Variants in RAVER2 observed in about 807,000 individuals in gnomAD.
RAVER2 encodes ribonucleoprotein PTB-binding 2.
RAVER2 carries 46 observed loss-of-function variants against 78.1 expected under a neutral mutation model. That is an observed-to-expected ratio of 0.59 (90% CI 0.46 to 0.75). The LOEUF is 0.75. RAVER2 is among the 30% of genes least tolerant of loss of function. The pLI is 0.00. For synonymous variants in RAVER2, 311 were observed against 313.3 expected (o/e 0.99, Z 0.08); for missense variants, 793 against 837.5 (o/e 0.95, Z 0.66).
rs61411897 is a variant in RAVER2, at chr1:64,812,362, CAAAAAAAAAA to C, written c.1681-364_1681-355del. 1.7e-4 allele frequency among the ~76,000 whole-genome samples: 12 copies of C among 70,054 alleles called. No individual in the cohort carries two copies. The South Asian group carries it at 3.3e-3, about 19-fold the overall frequency. The allele number at this position is 70,054 out of a possible 152,430, so 46.0% of individuals were successfully genotyped here. Reference sequence around the variant, plus strand: ...GGGCAATAGAGTGAGATTCCATCTCCAAAAAAAAAAAAAAAAAAAAATAGGTAGATAGATA... The same window carrying C: ...GGGCAATAGAGTGAGATTCCATCTCCAAAAAAAAAAATAGGTAGATAGATA... On this transcript the variant is annotated intron_variant, in intron 9 of 11. Coordinates refer to ENST00000294428, the Ensembl canonical transcript of RAVER2.
At chr1:64,808,100 G>A (rs916612343) in intron 9 of RAVER2, among the ~76,000 whole-genome samples, 5 of 152,060 alleles carry the variant, frequency 3.3e-5, no homozygotes, top group Admixed American at 3.3e-4. Context: ...ATCAAAACCA[G>A]CTATTAAACT....
chr1:64,807,803 T>C (rs1653486838), intron 9 of RAVER2, among the ~76,000 whole-genome samples: 1 of 152,164 alleles, frequency 6.6e-6, no homozygotes, highest in Admixed American at 6.5e-5. Flanking sequence ...TTATTCCTTA[T>C]AAGAGAATAA....
chr1:64,822,307 G>A (rs569811269), intron 11 of RAVER2, among the ~76,000 whole-genome samples: 2 of 152,112 alleles, frequency 1.3e-5, no homozygotes, highest in South Asian at 2.1e-4. Context: ...CAAAGTACGA[G>A]AACAACATCT....
intron 4 of RAVER2, among the ~76,000 whole-genome samples, chr1:64,783,437 A>G (rs1014013081): frequency 6.6e-6 from 1 of 152,160 alleles, no homozygotes; most frequent in African/African-American, 2.4e-5. Flanking sequence ...ACTGGTGTGA[A>G]ATGATATCTC....
At chr1:64,765,147 C>G (rs1039756559) in intron 1 of RAVER2, among the ~76,000 whole-genome samples, 1 of 152,144 alleles carries the variant, frequency 6.6e-6, no homozygotes, top group African/African-American at 2.4e-5. Context: ...GGACTTTTAT[C>G]TACTGTTGAT....
chr1:64,818,838 T>G (rs1341231350), intron 11 of RAVER2, among the ~76,000 whole-genome samples: 2 of 152,116 alleles, frequency 1.3e-5, no homozygotes, highest in Non-Finnish European at 2.9e-5. Flanking sequence ...AGTCTCAAAA[T>G]CTATGTGTAA....
At chr1:64,826,041 C>T (rs1052188643) in intron 11 of RAVER2, among the ~76,000 whole-genome samples, 1 of 152,192 alleles carries the variant, frequency 6.6e-6, no homozygotes, top group Non-Finnish European at 1.5e-5. Context: ...TTCAGTTTTT[C>T]CATGTCAGAG....
rs906837967 is a variant in RAVER2 at position 64,806,815 on chromosome 1, C to T, written c.1412-391C>T. ...TTTTAAACTTAAAACTTAATTATTT[C>T]CTTCAGTTATGGAAACAGTCAAGTT... is the stretch of plus-strand genomic sequence containing the variant. On this transcript the variant is annotated intron_variant, in intron 8 of 11. Transcript: ENST00000294428. Among the ~76,000 whole-genome samples the T allele has an allele frequency of 1.1e-4, 17 of 152,072 alleles. No individual in the cohort carries two copies. In the East Asian group the frequency reaches 2.7e-3, roughly 24 times the overall value.
chr1:64,777,886 G>A, exon 3 of RAVER2: 2 of 1,614,070 alleles, frequency 1.2e-6, no homozygotes, highest in Non-Finnish European at 8.5e-7. Flanking sequence ...CATGAAAAAG[G>A]ACTTTGCTGC....
At chr1:64,750,283 CTCTT>C (rs1451664240) in intron 1 of RAVER2, among the ~76,000 whole-genome samples, 4 of 151,052 alleles carry the variant, frequency 2.6e-5, no homozygotes, top group Admixed American at 1.3e-4. Context: ...TTTTTTTCTG[CTCTT>C]TCTCTTTTCT....
In RAVER2 at chr1:64,824,932, C is replaced by CAAAAAAAAAA. The variant is rs56179197; in HGVS notation, c.1930-5889_1930-5880dup. Among the ~76,000 whole-genome samples the CAAAAAAAAAA allele has an allele frequency of 2.6e-3, 203 of 79,388 alleles. 14 individuals are homozygous for CAAAAAAAAAA. Among genetic ancestry groups the CAAAAAAAAAA allele is most frequent in the African/African-American group, 0.015 (194 of 12,876 alleles). 52.1% of individuals were successfully genotyped at this position (79,388 alleles called of 152,430 possible). ...GGCAACAGAGCGAGACCCTGTCTCCCAAAAAAAAAAAAAAAAAAAAAAAAA... is the reference window on the plus strand; with the variant it reads ...GGCAACAGAGCGAGACCCTGTCTCCCAAAAAAAAAAAAAAAAAAAAAAAAAAAAAAAAAAA... On this transcript the variant is annotated intron_variant, in intron 11 of 11. Transcript: ENST00000294428.
At chr1:64,792,231 C>G (rs1240772316) in intron 5 of RAVER2, among the ~76,000 whole-genome samples, 1 of 152,116 alleles carries the variant, frequency 6.6e-6, no homozygotes, top group East Asian at 1.9e-4. Context: ...TGCTTTAAAT[C>G]CCCCACAAGT....
At chr1:64,812,294 G>A (rs933655935) in intron 9 of RAVER2, among the ~76,000 whole-genome samples, 13 of 149,442 alleles carry the variant, frequency 8.7e-5, no homozygotes, top group African/African-American at 3.0e-4. Flanking sequence ...CCTGGGAGGC[G>A]GAGGTTTCAG....
At chr1:64,764,595 C>A (rs758755029) in intron 1 of RAVER2, among the ~76,000 whole-genome samples, 7 of 152,156 alleles carry the variant, frequency 4.6e-5, no homozygotes, top group Non-Finnish European at 7.3e-5. Flanking sequence ...CAAAATCCCA[C>A]AAATAAACAC....
At chr1:64,827,803 A>C (rs1654036330) in intron 11 of RAVER2, among the ~76,000 whole-genome samples, 1 of 152,228 alleles carries the variant, frequency 6.6e-6, no homozygotes, top group Non-Finnish European at 1.5e-5. Flanking sequence ...CCTCCTGGTG[A>C]GACTTAATAA....
chr1:64,764,900 AT>A (rs1435178535), intron 1 of RAVER2, among the ~76,000 whole-genome samples: 1 of 152,238 alleles, frequency 6.6e-6, no homozygotes, highest in Non-Finnish European at 1.5e-5. Context: ...AAGTCAACTG[AT>A]TATAGATATT....
rs908533269 is a variant in RAVER2, at chr1:64,745,264, AG to A, written c.95del (p.Gly32AlafsTer34). Reference sequence around the variant, plus strand: ...GGGCCGGGGCCGGGGCTGCGCGGGCAGGGCCCCTCAGCCGAAGCGCACGAGG... The same window carrying A: ...GGGCCGGGGCCGGGGCTGCGCGGGCAGGCCCCTCAGCCGAAGCGCACGAGG... On this transcript the variant is annotated frameshift_variant, in exon 1 of 12. Coordinates refer to ENST00000294428, the Ensembl canonical transcript of RAVER2. LOFTEE classifies it high-confidence loss of function. This position sits in a 1 kb window ranked among gnomAD's most constrained non-coding sequence, Gnocchi z 4.3. 2.3e-6 allele frequency: 3 copies of A among 1,297,734 alleles called. No individual in the cohort carries two copies. The African/African-American group carries it at 4.8e-5, about 21-fold the overall frequency. The allele number at this position is 1,297,734 out of a possible 1,614,324, so 80.4% of individuals were successfully genotyped here.
intron 5 of RAVER2, among the ~76,000 whole-genome samples, chr1:64,793,816 T>C (rs1291712274): frequency 2.6e-5 from 4 of 152,230 alleles, no homozygotes; most frequent in African/African-American, 9.6e-5. Flanking sequence ...GCACAGTCTG[T>C]ACTGTTTGGC....
At chr1:64,798,029 C>T (rs764683260) in intron 5 of RAVER2, among the ~76,000 whole-genome samples, 41 of 147,972 alleles carry the variant, frequency 2.8e-4, no homozygotes, top group Non-Finnish European at 5.2e-4. Context: ...GCCACTAACT[C>T]GTCATCTAGC....
Sources: gnomAD v4.1 joint callset for allele counts (sites outside exome capture counted in the v4.1 genomes callset) on GRCh38, gnomAD v4.1.1 for gene constraint, Gnocchi (gnomAD v3.1) non-coding constraint, MANE v1.5 for transcripts, NCBI Gene and HGNC (gene_info 2026-07-23, HGNC 2026-07-21) for gene names.